Variants in ARHGEF10 observed in about 807,000 individuals in gnomAD.
ARHGEF10 encodes the protein Rho guanine nucleotide exchange factor 10, also known as Rho guanine nucleotide exchange factor (GEF) 10.
In ARHGEF10, 140 loss-of-function variants were observed where a neutral mutation model predicts 147.4. The ratio of observed to expected loss-of-function variants is 0.95; its 90% confidence interval spans 0.83 to 1.09. The LOEUF is 1.09. ARHGEF10 is among the 50% of genes least tolerant of loss of function. The probability of loss-of-function intolerance (pLI) is 0.00; values close to 1 mark genes in which losing one functional copy is unlikely to be tolerated. For missense variants in ARHGEF10, 2,222 were observed against 1,752.7 expected (o/e 1.27, Z -4.78); for synonymous variants, 902 against 695.8 (o/e 1.30, Z -4.67).
chr8:1,889,866 G>GGAGGGTT (rs1224654077), intron 11 of ARHGEF10, among the ~76,000 whole-genome samples: 100 of 142,610 alleles, frequency 7.0e-4, no homozygotes, highest in African/African-American at 2.5e-3. Flanking sequence ...GAGACACTGA[G>GGAGGGTT]TGTGGTGAGG....
At chr8:1,929,219 TAACAGGCACCCTCG>T (rs1451641774) in intron 24 of ARHGEF10, 53 bp from the exon 25 acceptor site, 15 of 1,542,390 alleles carry the variant, frequency 9.7e-6, no homozygotes, top group Non-Finnish European at 1.3e-5. Context: ...GTGTTTATGT[TAACAGGCACCCTCG>T]TTCTTGTTAC....
At position 1,909,377 on chromosome 8, in the gene ARHGEF10, G is replaced by A. The variant is rs764620249; in HGVS notation, c.2050G>A (p.Glu684Lys). 1.1e-5 allele frequency: 18 copies of A among 1,614,048 alleles called. No individual in the cohort carries two copies. Among genetic ancestry groups the A allele is most frequent in the East Asian group, 1.1e-4 (5 of 44,888 alleles). The change falls in exon 18 of 29, where the codon GAG (glutamate) becomes AAG (lysine). Residue 684 changes from glutamate to lysine, a missense_variant. By Grantham distance (56) the Glu-to-Lys change is moderately conservative. Coordinates refer to ENST00000349830, the MANE Select transcript of ARHGEF10 (RefSeq NM_014629.4). Reference sequence around the variant, plus strand: ...TCCACTGGGACATGTGGACGCCATCGAGTATGGCAGCAGCGCAGGCACGGG... The same window carrying A: ...TCCACTGGGACATGTGGACGCCATCAAGTATGGCAGCAGCGCAGGCACGGG... ...SVPLGHVDAI[E>K]YGSSAGTGEH...
At chr8:1,952,860 C>A (rs1198838437) in intron 28 of ARHGEF10, 33 bp downstream of exon 28, 1 of 1,613,458 alleles carries the variant, frequency 6.2e-7, no homozygotes, top group Admixed American at 1.7e-5. Context: ...GTGGCTGCAT[C>A]CTGTCTTGCA....
intron 7 of ARHGEF10, among the ~76,000 whole-genome samples, chr8:1,871,835 A>G (rs1335661794): frequency 1.3e-5 from 2 of 152,146 alleles, no homozygotes; most frequent in Non-Finnish European, 2.9e-5. Flanking sequence ...AAACAAAACA[A>G]ACAACAGAGA....
In ARHGEF10 at chr8:1,904,756, C is replaced by T. The variant is rs73180751; in HGVS notation, c.1822-815C>T. 5.7e-3 allele frequency among the ~76,000 whole-genome samples: 860 copies of T among 152,138 alleles called. 7 individuals carry two copies. Among genetic ancestry groups the T allele is most frequent in the African/African-American group, 0.02 (823 of 41,530 alleles). On this transcript the variant is annotated intron_variant, in intron 16 of 28. Transcript: ENST00000349830. The stretch of plus-strand genomic sequence containing the variant: ...CTGGTTGCTCAGAGCTGGGCAGCAG[C>T]GTAGGTTTAGAATCAAAAGACAGCA...
intron 18 of ARHGEF10, among the ~76,000 whole-genome samples, chr8:1,922,401 GGT>G: frequency 6.6e-6 from 1 of 152,136 alleles, no homozygotes; most frequent in South Asian, 2.1e-4. Flanking sequence ...TTATGTCAAC[GGT>G]GTCTAAAAAA....
intron 1 of ARHGEF10, among the ~76,000 whole-genome samples, chr8:1,826,338 G>A (rs755578992): frequency 2.6e-5 from 4 of 152,066 alleles, no homozygotes; most frequent in Non-Finnish European, 5.9e-5. Context: ...ATACGTGTGC[G>A]TGTGTCTTTG....
At chr8:1,882,952 C>G (rs1390318984) in intron 10 of ARHGEF10, among the ~76,000 whole-genome samples, 1 of 152,194 alleles carries the variant, frequency 6.6e-6, no homozygotes, top group Non-Finnish European at 1.5e-5. Context: ...AGACCGAGGG[C>G]ACCCAGCAGC....
intron 21 of ARHGEF10, among the ~76,000 whole-genome samples, chr8:1,924,212 A>C (rs1812512601): frequency 6.6e-6 from 1 of 152,214 alleles, no homozygotes; most frequent in East Asian, 1.9e-4. Context: ...GCGGCCTTCA[A>C]ATGGCAGGGG....
chr8:1,884,009 C>G (rs558221852), intron 10 of ARHGEF10, among the ~76,000 whole-genome samples: 2 of 152,104 alleles, frequency 1.3e-5, no homozygotes, highest in Non-Finnish European at 2.9e-5. Flanking sequence ...GTCTGAGAAG[C>G]CCGGAGTCAG....
In ARHGEF10 at chr8:1,888,721, AATAGG is replaced by A. The variant is rs1418462340; in HGVS notation, c.1182+3015_1182+3019del. ...GGGTGAGGTTTGTGAGGAGACACTG[AATAGG>A]GTGAGGTTTGTGAGGAGACACTGAA... On this transcript the variant is annotated intron_variant, in intron 11 of 28. Transcript: ENST00000349830. Among the ~76,000 whole-genome samples the A allele has an allele frequency of 3.6e-3, 201 of 55,808 alleles. 22 individuals carry two copies. Among genetic ancestry groups the A allele is most frequent in the African/African-American group, 7.2e-3 (51 of 7,092 alleles). 36.6% of individuals were successfully genotyped at this position (55,808 alleles called of 152,430 possible).
At chr8:1,931,650 G>C (rs113930255) in intron 25 of ARHGEF10, among the ~76,000 whole-genome samples, 3 of 152,380 alleles carry the variant, frequency 2.0e-5, no homozygotes, top group African/African-American at 7.2e-5. Context: ...GGCCCGGGCA[G>C]AGGGAGGGGG....
At chr8:1,882,021 A>T (rs1284426321) in intron 9 of ARHGEF10, among the ~76,000 whole-genome samples, 1 of 152,134 alleles carries the variant, frequency 6.6e-6, no homozygotes, top group Non-Finnish European at 1.5e-5. Flanking sequence ...CTGGCCGAGG[A>T]AGTGGAGGCA....
rs867488302 is a variant in ARHGEF10, at chr8:1,954,839, T to G, written c.3521-1910T>G. Among the ~76,000 whole-genome samples, 4 of 152,392 alleles carry G rather than the reference T, an allele frequency of 2.6e-5. No homozygotes were observed. In the South Asian group the frequency reaches 8.3e-4, roughly 32 times the overall value. The stretch of plus-strand genomic sequence containing the variant: ...TGCAAGCAGCCTCTGTTGCTTTTTC[T>G]CTCAGCCTTGCTGGGGTCAGTCCCT... On this transcript the variant is annotated intron_variant, in intron 28 of 28. Transcript: ENST00000349830.
Position 1,859,885 on chromosome 8 carries a change from C to T in ARHGEF10, c.194-12C>T, listed in dbSNP as rs188312311. 218 of 1,613,960 alleles carry T rather than the reference C, an allele frequency of 1.4e-4. No homozygotes were observed. The African/African-American group carries it at 2.3e-3, about 17-fold the overall frequency. On this transcript the variant is annotated splice_polypyrimidine_tract_variant and intron_variant, in intron 3 of 28. Transcript: ENST00000349830. Reference sequence around the variant, plus strand: ...TGATGTGTCTGCTGACAAGTCCTTTCTGCATCCCCAGGAGGTGAGGATGGA... The same window carrying T: ...TGATGTGTCTGCTGACAAGTCCTTTTTGCATCCCCAGGAGGTGAGGATGGA...
At chr8:1,847,276 C>T (rs902610473) in intron 2 of ARHGEF10, among the ~76,000 whole-genome samples, 5 of 152,160 alleles carry the variant, frequency 3.3e-5, no homozygotes, top group African/African-American at 9.7e-5. Flanking sequence ...GAACCCCTCT[C>T]ATAAGTTTGG....
intron 22 of ARHGEF10, 118 bp downstream of exon 22, chr8:1,925,522 C>A: frequency 7.2e-7 from 1 of 1,382,348 alleles, no homozygotes; most frequent in Non-Finnish European, 9.9e-7. Context: ...AGGTTCACCA[C>A]AGTGACCGCT....
At chr8:1,860,307 T>A in intron 4 of ARHGEF10, 123 bp downstream of exon 4, 1 of 1,377,988 alleles carries the variant, frequency 7.3e-7, no homozygotes, top group Non-Finnish European at 1.0e-6. Context: ...TTCCGTAGAG[T>A]CCGGGCCTGA....
chr8:1,897,159 T>G (rs565875072), intron 14 of ARHGEF10, among the ~76,000 whole-genome samples: 1 of 152,348 alleles, frequency 6.6e-6, no homozygotes, highest in Admixed American at 6.5e-5. Flanking sequence ...TTCTTGTTAC[T>G]TGGACTGTTT....
Sources: allele counts gnomAD v4.1 joint callset (sites outside exome capture counted in the v4.1 genomes callset), GRCh38; gene constraint gnomAD v4.1.1; transcripts MANE v1.5; gene names NCBI Gene and HGNC (gene_info 2026-07-23, HGNC 2026-07-21).